The following UBE2D2 variants were observed in gnomAD, a reference collection of about 807,000 sequenced individuals.
UBE2D2 encodes ubiquitin-conjugating enzyme E2 D2.
In UBE2D2, 2 loss-of-function variants were observed where a neutral mutation model predicts 24.2. That is an observed-to-expected ratio of 0.08 (90% CI 0.03 to 0.26). The LOEUF is 0.26. Among genes scored for constraint, UBE2D2 ranks in the 10% least tolerant of loss-of-function variants. UBE2D2 has a pLI of 1.00. For synonymous variants in UBE2D2, 58 were observed against 56.5 expected, an observed-to-expected ratio of 1.03 and a Z score of -0.12; for missense variants, 44 against 177.6, an observed-to-expected ratio of 0.25 and a Z score of 4.28.
chr5:139,577,505 C>T (rs1180562422), intron 1 of UBE2D2, among the ~76,000 whole-genome samples: 2 of 151,064 alleles, frequency 1.3e-5, no homozygotes, highest in Non-Finnish European at 2.9e-5. Context: ...TCTCCGCCTC[C>T]CGGGTTCAAG....
chr5:139,569,431 T>C (rs1315721556), intron 1 of UBE2D2, among the ~76,000 whole-genome samples: 1 of 152,168 alleles, frequency 6.6e-6, no homozygotes, highest in Non-Finnish European at 1.5e-5. Context: ...ATTCTGTATA[T>C]TTCTCTTAAA....
intron 1 of UBE2D2, among the ~76,000 whole-genome samples, chr5:139,540,336 T>A (rs1752738425): frequency 6.6e-6 from 1 of 152,106 alleles, no homozygotes; most frequent in Admixed American, 6.6e-5. Flanking sequence ...AAAATAACAT[T>A]TAAATAGTAC....
At chr5:139,623,538 C>A in intron 6 of UBE2D2, 77 bp downstream of exon 6, 2 of 1,230,926 alleles carry the variant, frequency 1.6e-6, no homozygotes, top group Non-Finnish European at 2.3e-6. Flanking sequence ...TGTTTAAGGG[C>A]TGAATATCGG....
At chr5:139,621,902 A>C (rs1252667401) in intron 5 of UBE2D2, among the ~76,000 whole-genome samples, 1 of 152,064 alleles carries the variant, frequency 6.6e-6, no homozygotes, top group African/African-American at 2.4e-5. Flanking sequence ...TGATTACAGG[A>C]GTGAGCCATC....
intron 1 of UBE2D2, among the ~76,000 whole-genome samples, chr5:139,533,651 C>CA (rs200520528): frequency 9.9e-4 from 127 of 127,970 alleles, no homozygotes; most frequent in Non-Finnish European, 1.5e-3. Flanking sequence ...AACTCCGTCT[C>CA]AAAAAAAAAA....
chr5:139,592,024 A>C (rs1187602212), intron 1 of UBE2D2, among the ~76,000 whole-genome samples: 1 of 152,060 alleles, frequency 6.6e-6, no homozygotes, highest in Non-Finnish European at 1.5e-5. Context: ...CAACGTGGTG[A>C]AACGCCATCT....
intron 1 of UBE2D2, among the ~76,000 whole-genome samples, chr5:139,551,280 C>T (rs1752918141): frequency 6.6e-6 from 1 of 152,140 alleles, no homozygotes; most frequent in African/African-American, 2.4e-5. Flanking sequence ...ACCCATGAGG[C>T]AGAGGTTGCA....
chr5:139,626,691 G>T, intron 6 of UBE2D2, 65 bp from the exon 7 acceptor site: 1 of 1,348,388 alleles, frequency 7.4e-7, no homozygotes, highest in Non-Finnish European at 1.1e-6. Flanking sequence ...ATGGGATAAT[G>T]AATGGAATCT....
intron 1 of UBE2D2, among the ~76,000 whole-genome samples, chr5:139,569,533 C>T (rs919932556): frequency 6.6e-6 from 1 of 152,206 alleles, no homozygotes; most frequent in Non-Finnish European, 1.5e-5. Context: ...TGCAGAAACA[C>T]ACTTGTTTTG....
At chr5:139,585,961 AGAAG>A (rs1451496536) in intron 1 of UBE2D2, among the ~76,000 whole-genome samples, 2 of 146,802 alleles carry the variant, frequency 1.4e-5, no homozygotes, top group South Asian at 4.2e-4. Flanking sequence ...AAAAAAAAAA[AGAAG>A]AAAGAAATAC....
chr5:139,556,765 CA>C (rs1231250294), upstream of UBE2D2, among the ~76,000 whole-genome samples: 23 of 149,126 alleles, frequency 1.5e-4, no homozygotes, highest in Non-Finnish European at 3.3e-4. Context: ...CATAAATGAA[CA>C]AATTCCTTGA....
At chr5:139,604,000 A>G (rs930899575) in intron 2 of UBE2D2, among the ~76,000 whole-genome samples, 6 of 152,150 alleles carry the variant, frequency 3.9e-5, no homozygotes, top group Non-Finnish European at 2.9e-5. Context: ...AAAAAAATAG[A>G]TATTATTAGA....
intron 1 of UBE2D2, among the ~76,000 whole-genome samples, chr5:139,585,771 G>A (rs980661064): frequency 6.6e-6 from 1 of 151,746 alleles, no homozygotes; most frequent in African/African-American, 2.4e-5. Flanking sequence ...AAGGGGTAGA[G>A]AAGAGTTTGT....
At position 139,561,659 on chromosome 5, in the gene UBE2D2, C is replaced by G. The variant is rs1045496220; in HGVS notation, c.-133C>G. ...CCGGCCCTCAGCCCGTCCCGCCGGA[C>G]CCGCTTTCCTCAACTCTCCATCTTC... On this transcript the variant is annotated 5_prime_UTR_variant, in exon 1 of 7. Coordinates refer to ENST00000398733, the MANE Select transcript of UBE2D2 (RefSeq NM_003339.3). 1 of 636,580 alleles carries G rather than the reference C, an allele frequency of 1.6e-6. No homozygotes were observed. Among genetic ancestry groups the G allele is most frequent in the Non-Finnish European group, 2.5e-6 (1 of 405,100 alleles). 39.4% of individuals were successfully genotyped at this position (636,580 alleles called of 1,614,324 possible). A position where few individuals can be genotyped will look rare whatever the true frequency, so the allele number is the denominator to read the frequency against.
At chr5:139,536,363 T>C (rs1239858036) in intron 1 of UBE2D2, among the ~76,000 whole-genome samples, 1 of 151,298 alleles carries the variant, frequency 6.6e-6, no homozygotes, top group African/African-American at 2.4e-5. Context: ...CCTCCCAAAG[T>C]GTATTTATTT....
chr5:139,564,582 T>TA (rs1753179597), intron 1 of UBE2D2, among the ~76,000 whole-genome samples: 1 of 151,662 alleles, frequency 6.6e-6, no homozygotes, highest in Admixed American at 6.6e-5. Flanking sequence ...GCCTCCGGAG[T>TA]AGCTGGGATT....
At chr5:139,597,942 C>T (rs1014825889) in intron 1 of UBE2D2, among the ~76,000 whole-genome samples, 1 of 152,216 alleles carries the variant, frequency 6.6e-6, no homozygotes, top group Non-Finnish European at 1.5e-5. Flanking sequence ...CGCTCTGTCG[C>T]CCAGGCTGGA....
At chr5:139,552,339 G>T (rs112873610) in intron 1 of UBE2D2, among the ~76,000 whole-genome samples, 14,646 of 149,950 alleles carry the variant, frequency 0.098, 952 homozygotes, top group African/African-American at 0.17. Context: ...ACTTTTTTTT[G>T]GTATTTTTAG....
At chr5:139,552,483 CTTTT>C (rs905040335) in intron 1 of UBE2D2, among the ~76,000 whole-genome samples, 8 of 148,652 alleles carry the variant, frequency 5.4e-5, no homozygotes, top group Non-Finnish European at 3.0e-5. Flanking sequence ...TAGCTAACTT[CTTTT>C]TTTGTTTCTT....
Sources: gnomAD v4.1 joint callset for allele counts (sites outside exome capture counted in the v4.1 genomes callset) on GRCh38, gnomAD v4.1.1 for gene constraint, MANE v1.5 for transcripts, NCBI Gene and HGNC (gene_info 2026-07-23, HGNC 2026-07-21) for gene names.